PTTG1IP: variants seen among roughly 807,000 people sequenced by gnomAD.
PTTG1IP encodes PTTG1 interacting protein.
Under a neutral mutation model 24.4 loss-of-function variants are expected in PTTG1IP, and 16 were observed. The observed-to-expected ratio is 0.66, with a 90% CI of 0.44 to 1.00. The LOEUF is 1.00. PTTG1IP is among the 50% of genes least tolerant of loss of function. PTTG1IP has a pLI of 0.00. For missense variants in PTTG1IP, 241 were observed against 245.8 expected (o/e 0.98, Z 0.13); for synonymous variants, 89 against 96.8 (o/e 0.92, Z 0.47).
chr21:44,862,355 G>A (rs1252671891), intron 2 of PTTG1IP, among the ~76,000 whole-genome samples: 1 of 152,164 alleles, frequency 6.6e-6, no homozygotes, highest in Non-Finnish European at 1.5e-5. Context: ...CCCCATCTTT[G>A]TTAAAAATAC....
chr21:44,864,786 T>A (rs1347494942), intron 2 of PTTG1IP, among the ~76,000 whole-genome samples: 1 of 152,216 alleles, frequency 6.6e-6, no homozygotes, highest in Non-Finnish European at 1.5e-5. Context: ...TGCATCAGTC[T>A]CCATCGGGAA....
At chr21:44,870,207 CATTCT>C (rs1555972757) in intron 1 of PTTG1IP, among the ~76,000 whole-genome samples, 1 of 152,204 alleles carries the variant, frequency 6.6e-6, no homozygotes, top group Non-Finnish European at 1.5e-5. Flanking sequence ...GAAAAAAGGT[CATTCT>C]ATTCTATCCT....
Position 44,851,476 on chromosome 21 carries a change from C to T in PTTG1IP, c.*105G>A, listed in dbSNP as rs753605321. On this transcript the variant is annotated 3_prime_UTR_variant, in exon 6 of 6. Coordinates refer to ENST00000330938, the MANE Select transcript of PTTG1IP (RefSeq NM_004339.4). ...CTGTCCTGGAAGGCTGGCAGGTTCACTGGCCAAGGTCAGGAGACCGCAATG... is the reference window on the plus strand; with the variant it reads ...CTGTCCTGGAAGGCTGGCAGGTTCATTGGCCAAGGTCAGGAGACCGCAATG... 7.4e-6 allele frequency: 12 copies of T among 1,612,264 alleles called. No individual in the cohort carries two copies. The highest frequency in any genetic ancestry group is 1.0e-5 in the Non-Finnish European group (12 of 1,179,924).
In PTTG1IP at chr21:44,851,044, A is replaced by G. The variant is rs2083406479; in HGVS notation, c.*537T>C. Reference sequence around the variant, plus strand: ...ACGTTAAGTCCTTATCAGACTGTGTACTGGAGCCCCGTGTCATCAGCAAAA... The same window carrying G: ...ACGTTAAGTCCTTATCAGACTGTGTGCTGGAGCCCCGTGTCATCAGCAAAA... On this transcript the variant is annotated 3_prime_UTR_variant, in exon 6 of 6. Coordinates refer to ENST00000330938, the MANE Select transcript of PTTG1IP (RefSeq NM_004339.4). The G allele has an allele frequency of 3.5e-6, 1 of 282,882 alleles. No homozygotes were observed. The highest frequency in any genetic ancestry group is 6.7e-6 in the Non-Finnish European group (1 of 148,152). 17.5% of individuals were successfully genotyped at this position (282,882 alleles called of 1,614,324 possible).
intron 5 of PTTG1IP, among the ~76,000 whole-genome samples, chr21:44,853,803 C>T (rs192213628): frequency 5.9e-5 from 9 of 152,318 alleles, no homozygotes; most frequent in Admixed American, 2.0e-4. Flanking sequence ...CCCAAGCACA[C>T]GGCACTCAGG....
At position 44,865,454 on chromosome 21, in the gene PTTG1IP, GA is replaced by G; in HGVS notation, c.116-8del. 2.5e-6 allele frequency: 4 copies of G among 1,614,114 alleles called. No homozygotes were observed. The highest frequency in any genetic ancestry group is 3.4e-6 in the Non-Finnish European group (4 of 1,179,972). The stretch of plus-strand genomic sequence containing the variant: ...TTTGTGTTCTGAGAACAAGCTGCAG[GA>G]AAGAGGCAAGAGACAAGTCAGTCAC... On this transcript the variant is annotated splice_region_variant and splice_polypyrimidine_tract_variant and intron_variant, in intron 1 of 5. Transcript: ENST00000330938.
At chr21:44,868,071 C>A (rs573292575) in intron 1 of PTTG1IP, among the ~76,000 whole-genome samples, 1 of 152,336 alleles carries the variant, frequency 6.6e-6, no homozygotes, top group South Asian at 2.1e-4. Context: ...TTTTAAGCCA[C>A]TTTAGATACT....
At chr21:44,872,565 C>G (rs753900650) in intron 1 of PTTG1IP, among the ~76,000 whole-genome samples, 2 of 152,230 alleles carry the variant, frequency 1.3e-5, no homozygotes, top group Non-Finnish European at 2.9e-5. Flanking sequence ...CATTGTGAAA[C>G]AGGTCCAACC....
chr21:44,866,026 G>A (rs2083533645), intron 1 of PTTG1IP: 2 of 177,744 alleles, frequency 1.1e-5, no homozygotes, highest in Non-Finnish European at 2.4e-5. Flanking sequence ...CGGCACACCA[G>A]CCTGCTCCAA....
chr21:44,859,161 C>T (rs1287016593), intron 3 of PTTG1IP, among the ~76,000 whole-genome samples: 2 of 152,172 alleles, frequency 1.3e-5, no homozygotes, highest in Non-Finnish European at 2.9e-5. Flanking sequence ...GCAATTGACA[C>T]GAATCTCGGG....
chr21:44,869,976 A>G (rs2083571085), intron 1 of PTTG1IP, among the ~76,000 whole-genome samples: 1 of 152,030 alleles, frequency 6.6e-6, no homozygotes, highest in African/African-American at 2.4e-5. Flanking sequence ...CACACCGTCA[A>G]CTCCATCTAT....
chr21:44,852,286 A>T (rs548412353), intron 5 of PTTG1IP, among the ~76,000 whole-genome samples: 2 of 151,934 alleles, frequency 1.3e-5, no homozygotes, highest in African/African-American at 4.8e-5. Flanking sequence ...GGGTTCAAGG[A>T]ATTCTCCTGC....
chr21:44,872,444 G>C (rs917002553), intron 1 of PTTG1IP, among the ~76,000 whole-genome samples: 9 of 152,168 alleles, frequency 5.9e-5, no homozygotes, highest in African/African-American at 2.2e-4. Flanking sequence ...AGCCCCTCAA[G>C]CTGGGCCCAG....
chr21:44,872,355 G>A (rs796144091), intron 1 of PTTG1IP, among the ~76,000 whole-genome samples: 31 of 152,296 alleles, frequency 2.0e-4, no homozygotes, highest in African/African-American at 7.2e-4. Flanking sequence ...ATTCCATAAG[G>A]TCACAAAAAG....
chr21:44,873,683 C>T lies in PTTG1IP; in HGVS notation c.-67G>A. On this transcript the variant is annotated 5_prime_UTR_variant, in exon 1 of 6. Coordinates refer to ENST00000330938, the MANE Select transcript of PTTG1IP (RefSeq NM_004339.4). ...CCGACTCCAGCACAAGCGGTCTCCG[C>T]CCGGAACAGCCGCGGCGCCGGAAGT... 1.6e-6 allele frequency: 2 copies of T among 1,288,790 alleles called. No individual in the cohort carries two copies. Among genetic ancestry groups the T allele is most frequent in the Non-Finnish European group, 2.0e-6 (2 of 1,014,996 alleles). 79.8% of individuals were successfully genotyped at this position (1,288,790 alleles called of 1,614,324 possible). A position where few individuals can be genotyped will look rare whatever the true frequency, so the allele number is the denominator to read the frequency against.
intron 2 of PTTG1IP, among the ~76,000 whole-genome samples, chr21:44,862,242 C>T (rs1388975913): frequency 6.6e-6 from 1 of 152,230 alleles, no homozygotes; most frequent in East Asian, 1.9e-4. Flanking sequence ...CTGTTCGGGT[C>T]AGGCACGGTG....
At chr21:44,856,047 G>T in intron 4 of PTTG1IP, 146 bp downstream of exon 4, 1 of 1,509,820 alleles carries the variant, frequency 6.6e-7, no homozygotes, top group South Asian at 1.3e-5. Context: ...TCTCTACCAC[G>T]ACCTAGAAGA....
At chr21:44,865,703 C>T in intron 1 of PTTG1IP, 1 of 580,730 alleles carries the variant, frequency 1.7e-6, no homozygotes, top group Admixed American at 3.0e-5. Context: ...CACAAGGGCT[C>T]TTCTGGGAGA....
chr21:44,857,675 A>G (rs1299177955), intron 3 of PTTG1IP, among the ~76,000 whole-genome samples: 1 of 152,218 alleles, frequency 6.6e-6, no homozygotes, highest in Non-Finnish European at 1.5e-5. Flanking sequence ...GGCCCTGGCA[A>G]GGAGGCCGAC....
Sources: gnomAD v4.1 joint callset for allele counts (sites outside exome capture counted in the v4.1 genomes callset) on GRCh38, gnomAD v4.1.1 for gene constraint, MANE v1.5 for transcripts, NCBI Gene and HGNC (gene_info 2026-07-23, HGNC 2026-07-21) for gene names.